SLC25A17: variants seen among roughly 807,000 people sequenced by gnomAD.
SLC25A17 encodes peroxisomal membrane protein PMP34.
A neutral mutation model predicts 38.5 loss-of-function variants in SLC25A17; 26 were observed. The ratio of observed to expected loss-of-function variants is 0.68; its 90% confidence interval spans 0.50 to 0.94. The LOEUF (loss-of-function observed/expected upper bound fraction) is 0.94, where lower values mean the gene tolerates loss of function less well. SLC25A17 is among the 40% of genes least tolerant of loss of function. SLC25A17 has a pLI of 0.00. For missense variants in SLC25A17, 333 were observed against 372.7 expected (o/e 0.89, Z 0.88); for synonymous variants, 139 against 136.2 (o/e 1.02, Z -0.14).
intron 1 of SLC25A17, among the ~76,000 whole-genome samples, chr22:40,808,413 A>G (rs993563607): frequency 6.6e-6 from 1 of 152,186 alleles, no homozygotes; most frequent in Non-Finnish European, 1.5e-5. Flanking sequence ...CAAGGTTACA[A>G]CCAAGATCTC....
chr22:40,778,106 G>C (rs923130277), intron 5 of SLC25A17, among the ~76,000 whole-genome samples: 1 of 152,146 alleles, frequency 6.6e-6, no homozygotes, highest in African/African-American at 2.4e-5. Flanking sequence ...ATTGATGTAT[G>C]GGAAAGGAGA....
chr22:40,771,262 G>A (rs571833466), intron 8 of SLC25A17, among the ~76,000 whole-genome samples: 3 of 152,166 alleles, frequency 2.0e-5, no homozygotes, highest in Admixed American at 6.5e-5. Flanking sequence ...CACCCGCCAC[G>A]ACACCAGGCT....
chr22:40,796,266 T>A (rs181883209), intron 2 of SLC25A17, among the ~76,000 whole-genome samples: 1 of 152,310 alleles, frequency 6.6e-6, no homozygotes, highest in East Asian at 1.9e-4. Flanking sequence ...ACATAAAATA[T>A]GCAAATTAAC....
Position 40,779,020 on chromosome 22 carries a change from T to G in SLC25A17, c.440A>C (p.Lys147Thr). Residue 147 changes from lysine (K) to threonine (T), a missense_variant, in exon 5 of 9, where the codon AAA becomes ACA. Physicochemically the swap from Lys to Thr is moderately conservative, Grantham distance 78 (BLOSUM62 -1). Coordinates refer to ENST00000435456, the MANE Select transcript of SLC25A17 (RefSeq NM_006358.4). The part of the protein sequence containing the change: ...RNEDIVPTNY[K>T]GIIDAFHQII... ...AAAGAGATACTTACCAATGATACCT[T>G]TGTAGTTTGTTGGTACAATGTCTTC... The G allele has an allele frequency of 6.2e-7, 1 of 1,612,862 alleles. No homozygotes were observed. The highest frequency in any genetic ancestry group is 2.2e-5 in the East Asian group (1 of 44,874).
chr22:40,790,514 G>T (rs2057376620), intron 4 of SLC25A17, among the ~76,000 whole-genome samples: 1 of 151,558 alleles, frequency 6.6e-6, no homozygotes, highest in African/African-American at 2.4e-5. Flanking sequence ...TTTTAGACAA[G>T]TGGAAAAAAG....
intron 2 of SLC25A17, among the ~76,000 whole-genome samples, chr22:40,795,820 C>CT (rs1405862488): frequency 3.9e-5 from 6 of 152,120 alleles, no homozygotes; most frequent in Admixed American, 2.6e-4. Context: ...CGGAGTCTCG[C>CT]TTTGTCGCCC....
intron 2 of SLC25A17, 67 bp downstream of exon 2, chr22:40,798,956 A>G (rs1037591394): frequency 2.1e-4 from 244 of 1,188,122 alleles, no homozygotes; most frequent in Non-Finnish European, 2.3e-4. Flanking sequence ...AAAAAAAAAA[A>G]AAGAAATTAC....
At chr22:40,799,133 CACA>C in intron 1 of SLC25A17, 50 bp from the exon 2 acceptor site, 1 of 1,484,400 alleles carries the variant, frequency 6.7e-7, no homozygotes, top group Non-Finnish European at 9.4e-7. Context: ...TAGTTTAAGT[CACA>C]ACTTTTTTTT....
intron 2 of SLC25A17, 88 bp downstream of exon 2, chr22:40,798,935 C>G: frequency 1.1e-6 from 1 of 934,502 alleles, no homozygotes; most frequent in Non-Finnish European, 1.6e-6. Context: ...AAAAGCGAAA[C>G]TCCGTCTCAA....
At chr22:40,808,801 C>T (rs1320824740) in intron 1 of SLC25A17, among the ~76,000 whole-genome samples, 1 of 152,144 alleles carries the variant, frequency 6.6e-6, no homozygotes, top group Non-Finnish European at 1.5e-5. Flanking sequence ...CAAATCCTTT[C>T]TAGGAGGTTT....
At chr22:40,802,443 G>A (rs780180300) in intron 1 of SLC25A17, among the ~76,000 whole-genome samples, 1 of 151,906 alleles carries the variant, frequency 6.6e-6, no homozygotes, top group Non-Finnish European at 1.5e-5. Flanking sequence ...TCAGGAGTTC[G>A]AGACCAGCCT....
At position 40,779,145 on chromosome 22, in the gene SLC25A17, G is replaced by C. The variant is rs770394962; in HGVS notation, c.335-20C>G. ...CCACTCCTTTAACAAGAAAGATGGA[G>C]AGAAAAAGGGAAGGCAAAATGTCAG... On this transcript the variant is annotated intron_variant, in intron 4 of 8. Coordinates refer to ENST00000435456, the MANE Select transcript of SLC25A17 (RefSeq NM_006358.4). 4 of 1,614,120 alleles carry C rather than the reference G, an allele frequency of 2.5e-6. No homozygotes were observed. In the South Asian group the frequency reaches 4.4e-5, roughly 18 times the overall value.
chr22:40,813,206 C>A (rs114009456), intron 1 of SLC25A17, among the ~76,000 whole-genome samples: 1 of 152,038 alleles, frequency 6.6e-6, no homozygotes, highest in Non-Finnish European at 1.5e-5. Flanking sequence ...ATTTTGAGAC[C>A]GGTATTTGTC....
intron 7 of SLC25A17, among the ~76,000 whole-genome samples, chr22:40,775,504 C>T (rs540192963): frequency 3.9e-4 from 54 of 139,250 alleles, no homozygotes; most frequent in African/African-American, 1.4e-3. Context: ...TCGCCCAGGC[C>T]GGACTGCGGA....
intron 1 of SLC25A17, among the ~76,000 whole-genome samples, chr22:40,801,145 A>T (rs565904285): frequency 4.5e-4 from 57 of 127,530 alleles, no homozygotes; most frequent in African/African-American, 1.9e-3. Flanking sequence ...ATATATATAT[A>T]TATATATATA....
At chr22:40,800,520 T>C (rs373274136) in intron 1 of SLC25A17, among the ~76,000 whole-genome samples, 2 of 152,212 alleles carry the variant, frequency 1.3e-5, no homozygotes. Context: ...TGCCTTAGCA[T>C]TCCAAGTATT....
intron 1 of SLC25A17, among the ~76,000 whole-genome samples, chr22:40,809,800 T>C (rs1602627363): frequency 6.6e-6 from 1 of 152,088 alleles, no homozygotes; most frequent in African/African-American, 2.4e-5. Context: ...GGCCATTAAC[T>C]ACAAAAAAAA....
At chr22:40,786,476 C>A (rs2057339570) in intron 4 of SLC25A17, among the ~76,000 whole-genome samples, 1 of 152,110 alleles carries the variant, frequency 6.6e-6, no homozygotes, top group African/African-American at 2.4e-5. Flanking sequence ...ATGCTCCAGT[C>A]CCTGATATAA....
rs1239603763 is a variant in SLC25A17 at position 40,788,823 on chromosome 22, T to C, written c.334+3702A>G. 1.7e-5 allele frequency: 4 copies of C among 236,294 alleles called. No individual in the cohort carries two copies. In the East Asian group the frequency reaches 4.2e-4, roughly 25 times the overall value. The allele number at this position is 236,294 out of a possible 1,614,324, so 14.6% of individuals were successfully genotyped here. Reference sequence around the variant, plus strand: ...GCTTTTAGAAACCTGGAAGAAATTATCTTCTTTGAGTTTCAAATGTTCTGG... The same window carrying C: ...GCTTTTAGAAACCTGGAAGAAATTACCTTCTTTGAGTTTCAAATGTTCTGG... On this transcript the variant is annotated intron_variant, in intron 4 of 8. Coordinates refer to ENST00000435456, the MANE Select transcript of SLC25A17 (RefSeq NM_006358.4).
Sources: allele counts gnomAD v4.1 joint callset (sites outside exome capture counted in the v4.1 genomes callset), GRCh38; gene constraint gnomAD v4.1.1; transcripts MANE v1.5; gene names NCBI Gene and HGNC (gene_info 2026-07-23, HGNC 2026-07-21).